ABI1: variants seen among roughly 807,000 people sequenced by gnomAD.
ABI1 encodes the protein abl interactor 1.
A neutral mutation model predicts 54.6 loss-of-function variants in ABI1; 14 were observed. The ratio of observed to expected loss-of-function variants is 0.26; its 90% CI spans 0.17 to 0.40. The LOEUF is 0.40. ABI1 is among the 10% of genes least tolerant of loss of function. The pLI, the probability that ABI1 is intolerant of heterozygous loss-of-function variation, is 1.00. For synonymous variants in ABI1, 194 were observed against 209.3 expected, an observed-to-expected ratio of 0.93 and a Z score of 0.63; for missense variants, 443 against 598.3, an observed-to-expected ratio of 0.74 and a Z score of 2.71.
intron 1 of ABI1, among the ~76,000 whole-genome samples, chr10:26,843,385 C>T (rs529766152): frequency 4.2e-4 from 56 of 132,606 alleles, no homozygotes; most frequent in Non-Finnish European, 7.6e-4. Flanking sequence ...ACCTTGGAGG[C>T]GGAGGTTGTA....
intron 2 of ABI1, among the ~76,000 whole-genome samples, chr10:26,794,453 G>A (rs1480102108): frequency 6.6e-6 from 1 of 151,770 alleles, no homozygotes; most frequent in Non-Finnish European, 1.5e-5. Context: ...CATATGTCAG[G>A]AAGTACAGTC....
chr10:26,845,912 G>A (rs1303129542), intron 1 of ABI1, among the ~76,000 whole-genome samples: 1 of 152,068 alleles, frequency 6.6e-6, no homozygotes, highest in East Asian at 1.9e-4. Flanking sequence ...GGAGGCCGAG[G>A]CAGGCAGAGC....
chr10:26,805,843 C>A lies in ABI1; in HGVS notation c.285+17295G>T, dbSNP rs191157431. Among the ~76,000 whole-genome samples, 11 of 152,234 alleles carry A rather than the reference C, an allele frequency of 7.2e-5. No individual in the cohort carries two copies. The East Asian group carries it at 2.1e-3, about 29-fold the overall frequency. On this transcript the variant is annotated intron_variant, in intron 2 of 10. Transcript: ENST00000376140. ...CAGATACAAGAAGCAGAGAAGAAGC[C>A]AAAGGATACCAGCTACTCCCCTAGC...
At chr10:26,810,244 C>T (rs970999665) in intron 2 of ABI1, among the ~76,000 whole-genome samples, 53 of 152,240 alleles carry the variant, frequency 3.5e-4, no homozygotes, top group African/African-American at 1.2e-3. Flanking sequence ...AGAACTTCTT[C>T]CATCATATCT....
chr10:26,779,289 G>C (rs537989838), intron 2 of ABI1, among the ~76,000 whole-genome samples: 14 of 152,200 alleles, frequency 9.2e-5, no homozygotes, highest in Non-Finnish European at 1.5e-4. Context: ...TAGTGCCTGT[G>C]AATGAGGCTG....
At chr10:26,844,457 C>A (rs2049820416) in intron 1 of ABI1, among the ~76,000 whole-genome samples, 1 of 152,172 alleles carries the variant, frequency 6.6e-6, no homozygotes, top group Non-Finnish European at 1.5e-5. Flanking sequence ...AAATTAACAT[C>A]AAAAGACATG....
intron 2 of ABI1, among the ~76,000 whole-genome samples, chr10:26,810,751 G>T (rs2133555443): frequency 6.6e-6 from 1 of 152,164 alleles, no homozygotes; most frequent in Middle Eastern, 3.4e-3. Context: ...TCGTCTGATG[G>T]CATGAAGGTC....
chr10:26,826,201 T>C (rs959487560), intron 1 of ABI1, among the ~76,000 whole-genome samples: 5 of 152,156 alleles, frequency 3.3e-5, no homozygotes, highest in African/African-American at 1.2e-4. Context: ...AAAGTCAAAA[T>C]TACTCTATGG....
At position 26,750,332 on chromosome 10, in the gene ABI1, A is replaced by G. The variant is rs141161003; in HGVS notation, c.1270+1266T>C. On this transcript the variant is annotated intron_variant, in intron 10 of 10. Coordinates refer to ENST00000376140, the MANE Select transcript of ABI1 (RefSeq NM_001012750.3). ...AACATGGCAAAACCCCATCTCTACT[A>G]AAAATACAAAAGTTAGCTGGGCGTG... is the stretch of plus-strand genomic sequence containing the variant. 6.0e-3 allele frequency among the ~76,000 whole-genome samples: 917 copies of G among 152,216 alleles called. 16 individuals are homozygous for G. Among genetic ancestry groups the G allele is most frequent in the East Asian group, 0.033 (169 of 5,180 alleles).
chr10:26,829,562 G>C (rs954886565), intron 1 of ABI1, among the ~76,000 whole-genome samples: 1 of 151,788 alleles, frequency 6.6e-6, no homozygotes, highest in Non-Finnish European at 1.5e-5. Flanking sequence ...AAAAAATATT[G>C]TACATCATAA....
chr10:26,805,320 C>T (rs10764644), intron 2 of ABI1, among the ~76,000 whole-genome samples: 31,811 of 151,082 alleles, frequency 0.21, 3,511 homozygotes, highest in African/African-American at 0.3. Context: ...GGTGAGTGAA[C>T]GGCTTACAGA....
chr10:26,860,413 G>A lies in ABI1; in HGVS notation c.117+334C>T, dbSNP rs1157854380. Among the ~76,000 whole-genome samples the A allele has an allele frequency of 6.6e-6, 1 of 152,146 alleles. No homozygotes were observed. Among genetic ancestry groups the A allele is most frequent in the Non-Finnish European group, 1.5e-5 (1 of 68,024 alleles). On this transcript the variant is annotated intron_variant, in intron 1 of 10. Coordinates refer to ENST00000376140, the MANE Select transcript of ABI1 (RefSeq NM_001012750.3). This position sits in a 1 kb window ranked among gnomAD's most constrained non-coding sequence, Gnocchi z 4.1. The stretch of plus-strand genomic sequence containing the variant: ...AGCCCTGCGGACTGGAGGCTACCTG[G>A]GGGGCGCGCGACCCCGGTGGCCGGG...
chr10:26,799,299 A>G (rs987133707), intron 2 of ABI1, among the ~76,000 whole-genome samples: 1 of 152,108 alleles, frequency 6.6e-6, no homozygotes, highest in Non-Finnish European at 1.5e-5. Flanking sequence ...AACTATAATC[A>G]GAAAAGATTC....
At chr10:26,842,869 C>T (rs2049631573) in intron 1 of ABI1, among the ~76,000 whole-genome samples, 1 of 151,904 alleles carries the variant, frequency 6.6e-6, no homozygotes, top group Non-Finnish European at 1.5e-5. Flanking sequence ...CATGGTGAAA[C>T]CTCACCTCTA....
chr10:26,844,255 G>A (rs377267002), intron 1 of ABI1, among the ~76,000 whole-genome samples: 5 of 151,722 alleles, frequency 3.3e-5, no homozygotes, highest in Admixed American at 6.6e-5. Flanking sequence ...TTAATGACTC[G>A]GCTAAACTCA....
intron 3 of ABI1, among the ~76,000 whole-genome samples, chr10:26,775,713 A>T (rs905114621): frequency 3.3e-5 from 5 of 152,202 alleles, no homozygotes; most frequent in Non-Finnish European, 7.3e-5. Context: ...TGTTAAACAC[A>T]ATTACTCGTT....
intron 2 of ABI1, among the ~76,000 whole-genome samples, chr10:26,802,570 A>C (rs1403999724): frequency 6.6e-6 from 1 of 152,238 alleles, no homozygotes; most frequent in Non-Finnish European, 1.5e-5. Context: ...AATCATTCAC[A>C]GAGCATTTAC....
chr10:26,824,610 G>GA (rs35745137), intron 1 of ABI1, among the ~76,000 whole-genome samples: 10,303 of 146,714 alleles, frequency 0.07, 388 homozygotes, highest in East Asian at 0.14. Flanking sequence ...TTGCTAAGGT[G>GA]AAAAAAAAAA....
intron 2 of ABI1, among the ~76,000 whole-genome samples, chr10:26,817,559 G>A (rs1265276598): frequency 2.0e-5 from 3 of 152,092 alleles, no homozygotes; most frequent in Admixed American, 6.6e-5. Context: ...ATCACTTGCG[G>A]ATGGAGAGTT....
Sources: allele counts gnomAD v4.1 joint callset (sites outside exome capture counted in the v4.1 genomes callset), GRCh38; gene constraint gnomAD v4.1.1; non-coding constraint Gnocchi (gnomAD v3.1); transcripts MANE v1.5; gene names NCBI Gene and HGNC (gene_info 2026-07-23, HGNC 2026-07-21).